Variants in DLGAP1 observed in about 807,000 individuals in gnomAD.
The protein encoded by DLGAP1 is disks large-associated protein 1.
Under a neutral mutation model 90.8 loss-of-function variants are expected in DLGAP1, and 11 were observed. The observed-to-expected ratio is 0.12, with a 90% CI of 0.08 to 0.20. DLGAP1 has a LOEUF of 0.20. Among genes scored for constraint, DLGAP1 ranks in the 10% least tolerant of loss-of-function variants. The probability of loss-of-function intolerance (pLI) is 1.00; values close to 1 mark genes in which losing one functional copy is unlikely to be tolerated. For missense variants in DLGAP1, 1,050 were observed against 1,333.8 expected (o/e 0.79, Z 3.31); for synonymous variants, 558 against 540.7 (o/e 1.03, Z -0.44).
At chr18:3,941,869 T>C (rs776452603) in intron 3 of DLGAP1, among the ~76,000 whole-genome samples, 51 of 152,206 alleles carry the variant, frequency 3.4e-4, no homozygotes, top group Middle Eastern at 3.4e-3. Flanking sequence ...CATGCCAGCA[T>C]GCCTGGCTAA....
chr18:3,810,623 G>A (rs1008438803), intron 5 of DLGAP1, among the ~76,000 whole-genome samples: 1 of 152,080 alleles, frequency 6.6e-6, no homozygotes, highest in Non-Finnish European at 1.5e-5. Context: ...AGGATATAGG[G>A]ATCTTTTTTC....
At chr18:4,209,948 T>G (rs556829500) in intron 1 of DLGAP1, among the ~76,000 whole-genome samples, 6 of 152,314 alleles carry the variant, frequency 3.9e-5, no homozygotes, top group African/African-American at 1.4e-4. Context: ...TCCACTCTAC[T>G]CCAATAATAC....
chr18:3,503,474 G>A (rs1468728909), intron 11 of DLGAP1, among the ~76,000 whole-genome samples: 1 of 152,160 alleles, frequency 6.6e-6, no homozygotes, highest in Middle Eastern at 3.2e-3. Context: ...ACACAGCTAG[G>A]AGACTGAAAA....
Position 3,496,636 on chromosome 18 carries a change from A to G in DLGAP1, c.*2549T>C, listed in dbSNP as rs1412768608. On this transcript the variant is annotated 3_prime_UTR_variant, in exon 13 of 13. Transcript: ENST00000315677. ...TATACCAAAGTTAAACAAAATAAGTAATTTTTCAGGGTACATACATTTTCC... is the reference window on the plus strand; with the variant it reads ...TATACCAAAGTTAAACAAAATAAGTGATTTTTCAGGGTACATACATTTTCC... 6.6e-6 allele frequency: 1 copy of G among 152,208 alleles called. No homozygotes were observed. The highest frequency in any genetic ancestry group is 1.5e-5 in the Non-Finnish European group (1 of 68,030). 9.4% of individuals were successfully genotyped at this position (152,208 alleles called of 1,614,324 possible). A position where few individuals can be genotyped will look rare whatever the true frequency, so the allele number is the denominator to read the frequency against.
In DLGAP1 at chr18:4,454,108, C is replaced by A. The variant is rs2083906086; in HGVS notation, c.-267+898G>T. ...CCCACGGCCTCCCGGTGCCACCCAG[C>A]GAGGCCGGGACAGCGCGCCTTCCGC... On this transcript the variant is annotated intron_variant, in intron 1 of 12. Coordinates refer to ENST00000315677, the MANE Select transcript of DLGAP1 (RefSeq NM_004746.4). This position sits in a 1 kb window ranked among gnomAD's most constrained non-coding sequence, Gnocchi z 4.7. 6.6e-6 allele frequency among the ~76,000 whole-genome samples: 1 copy of A among 152,210 alleles called. No individual in the cohort carries two copies. The highest frequency in any genetic ancestry group is 2.1e-4 in the South Asian group (1 of 4,832).
At chr18:3,624,971 A>G (rs1235065422) in intron 7 of DLGAP1, among the ~76,000 whole-genome samples, 3 of 152,138 alleles carry the variant, frequency 2.0e-5, no homozygotes, top group African/African-American at 7.2e-5. Context: ...AAGTCTACCT[A>G]CCACACACAC....
chr18:3,974,122 T>A (rs1452720895), intron 3 of DLGAP1, among the ~76,000 whole-genome samples: 3 of 152,120 alleles, frequency 2.0e-5, no homozygotes, highest in Non-Finnish European at 4.4e-5. Flanking sequence ...CTCGCCAGGC[T>A]GGAGTGCAGT....
rs1568278031 is a variant in DLGAP1, at chr18:3,600,775, GATATATAGAT to G, written c.1592-18537_1592-18528del. Among the ~76,000 whole-genome samples the G allele has an allele frequency of 2.1e-3, 23 of 11,114 alleles. 1 individual carries two copies. The highest frequency in any genetic ancestry group is 6.6e-3 in the African/African-American group (21 of 3,190). The allele number at this position is 11,114 out of a possible 152,430, so 7.3% of individuals were successfully genotyped here. On this transcript the variant is annotated intron_variant, in intron 7 of 12. Transcript: ENST00000315677. ...ATATATAGATATATAGATATATATA[GATATATAGAT>G]ATATATAGATATATAGATATATAGA...
chr18:3,827,480 A>C (rs1427521024), intron 4 of DLGAP1, among the ~76,000 whole-genome samples: 1 of 152,170 alleles, frequency 6.6e-6, no homozygotes, highest in Non-Finnish European at 1.5e-5. Context: ...CAGCAACGTT[A>C]ATTTTATCTC....
In DLGAP1 at chr18:4,340,979, G is replaced by A. The variant is rs114355371; in HGVS notation, c.-267+114027C>T. ...ACGAGACCATAATCTTTGCAATTATGTCATAGAAAGAAACTTAAATAAGAG... is the reference window on the plus strand; with the variant it reads ...ACGAGACCATAATCTTTGCAATTATATCATAGAAAGAAACTTAAATAAGAG... On this transcript the variant is annotated intron_variant, in intron 1 of 12. Coordinates refer to ENST00000315677, the MANE Select transcript of DLGAP1 (RefSeq NM_004746.4). Among the ~76,000 whole-genome samples the A allele has an allele frequency of 5.0e-3, 764 of 152,100 alleles. 5 individuals carry two copies. The highest frequency in any genetic ancestry group is 0.017 in the African/African-American group (722 of 41,522).
chr18:4,147,135 A>T (rs1332779047), intron 2 of DLGAP1, among the ~76,000 whole-genome samples: 2 of 152,240 alleles, frequency 1.3e-5, no homozygotes, highest in African/African-American at 4.8e-5. Context: ...ATGTGAATAA[A>T]CATTCAAATT....
rs2074277389 is a variant in DLGAP1 at position 4,005,211 on chromosome 18, G to A, written c.-158-10C>T. ...CCAGAAGAGATTTAGCCTGTTGGGAGCATAATGCATGTTTTAGTCTCCTGG... is the reference window on the plus strand; with the variant it reads ...CCAGAAGAGATTTAGCCTGTTGGGAACATAATGCATGTTTTAGTCTCCTGG... On this transcript the variant is annotated splice_polypyrimidine_tract_variant and intron_variant, in intron 2 of 12. Transcript: ENST00000315677. 1 of 152,132 alleles carries A rather than the reference G, an allele frequency of 6.6e-6. No individual in the cohort carries two copies. Among genetic ancestry groups the A allele is most frequent in the East Asian group, 1.9e-4 (1 of 5,178 alleles). 9.4% of individuals were successfully genotyped at this position (152,132 alleles called of 1,614,324 possible).
intron 10 of DLGAP1, among the ~76,000 whole-genome samples, chr18:3,512,626 T>A (rs1183135017): frequency 2.0e-5 from 3 of 152,178 alleles, no homozygotes; most frequent in African/African-American, 7.2e-5. Flanking sequence ...ATTTCAAAAC[T>A]CACAAACAGG....
chr18:3,937,781 G>A (rs926636862), intron 3 of DLGAP1, among the ~76,000 whole-genome samples: 8 of 152,110 alleles, frequency 5.3e-5, no homozygotes, highest in South Asian at 2.1e-4. Flanking sequence ...TATTTCACAC[G>A]TGATTCTAGA....
rs150741430 is a variant in DLGAP1 at position 3,642,125 on chromosome 18, C to T, written c.1592-59877G>A. 2.0e-3 allele frequency among the ~76,000 whole-genome samples: 310 copies of T among 152,266 alleles called. 3 individuals are homozygous for T. Among genetic ancestry groups the T allele is most frequent in the Non-Finnish European group, 3.1e-3 (213 of 68,022 alleles). The stretch of plus-strand genomic sequence containing the variant: ...TTGTCATTATCCACAAACACTCCTC[C>T]GCTACTCCCTCACCCCATCTCATTA... On this transcript the variant is annotated intron_variant, in intron 7 of 12. Coordinates refer to ENST00000315677, the MANE Select transcript of DLGAP1 (RefSeq NM_004746.4).
At chr18:4,307,677 T>C (rs1179632758) in intron 1 of DLGAP1, among the ~76,000 whole-genome samples, 1 of 150,676 alleles carries the variant, frequency 6.6e-6, no homozygotes, top group East Asian at 2.0e-4. Context: ...CCGCCAGCAC[T>C]CTGTCCCTCA....
intron 1 of DLGAP1, among the ~76,000 whole-genome samples, chr18:4,370,951 A>G (rs1220893452): frequency 7.1e-6 from 1 of 140,454 alleles, no homozygotes; most frequent in African/African-American, 2.7e-5. Context: ...TACCTCTCCT[A>G]TCCTTTGGTC....
chr18:3,558,244 G>GTT (rs569186929), intron 9 of DLGAP1, among the ~76,000 whole-genome samples: 391 of 152,088 alleles, frequency 2.6e-3, no homozygotes, highest in African/African-American at 9.0e-3. Context: ...GTTTTTGTTT[G>GTT]TTTGTTTGTT....
In DLGAP1 at chr18:4,196,327, T is replaced by G. The variant is rs1483135633; in HGVS notation, c.-266-45040A>C. 2.0e-5 allele frequency among the ~76,000 whole-genome samples: 3 copies of G among 152,342 alleles called. No individual in the cohort carries two copies. The Middle Eastern group carries it at 0.01, about 518-fold the overall frequency. On this transcript the variant is annotated intron_variant, in intron 1 of 12. Transcript: ENST00000315677. The stretch of plus-strand genomic sequence containing the variant: ...TGCCTGAGTACAGGCAATGCTTCCA[T>G]GAACACTATGTTTAGGAAATGAAAT...
Sources: gnomAD v4.1 joint callset for allele counts (sites outside exome capture counted in the v4.1 genomes callset) on GRCh38, gnomAD v4.1.1 for gene constraint, Gnocchi (gnomAD v3.1) non-coding constraint, MANE v1.5 for transcripts, NCBI Gene and HGNC (gene_info 2026-07-23, HGNC 2026-07-21) for gene names.